Variants in ACTR3C observed in about 807,000 individuals in gnomAD.
The protein encoded by ACTR3C is actin-related protein 3C.
ACTR3C carries 18 observed loss-of-function variants against 26.3 expected under a neutral mutation model. The ratio of observed to expected loss-of-function variants is 0.68; its 90% CI spans 0.47 to 1.01. The LOEUF is 1.01. ACTR3C is among the 50% of genes least tolerant of loss of function. ACTR3C has a pLI of 0.00. For missense variants in ACTR3C, 184 were observed against 250.7 expected (o/e 0.73, Z 1.80); for synonymous variants, 55 against 94.5 (o/e 0.58, Z 2.42).
chr7:150,006,337 C>T, the ACTR3C span, among the ~76,000 whole-genome samples: 1 of 151,462 alleles, frequency 6.6e-6, no homozygotes, highest in African/African-American at 2.4e-5. Context: ...GCTGGGACTA[C>T]AGGCACCCGC....
chr7:150,234,429 G>A, the ACTR3C span, among the ~76,000 whole-genome samples: 1 of 152,124 alleles, frequency 6.6e-6, no homozygotes, highest in Non-Finnish European at 1.5e-5. Flanking sequence ...TCTCTTCCAT[G>A]CGCCCCACAT....
At chr7:150,123,768 C>T in the ACTR3C span, among the ~76,000 whole-genome samples, 3 of 152,124 alleles carry the variant, frequency 2.0e-5, no homozygotes, top group Admixed American at 6.5e-5. Flanking sequence ...GAAAAAGAGC[C>T]AGAAGCTCCT....
chr7:150,316,946 G>T (rs181711923), intron 1 of ACTR3C, among the ~76,000 whole-genome samples: 126 of 152,200 alleles, frequency 8.3e-4, no homozygotes, highest in African/African-American at 2.7e-3. Context: ...GTTGTCTTTA[G>T]TGATGCTTAA....
chr7:150,080,504 GCTGTATGAGTGTTTGTGT>G, the ACTR3C span, among the ~76,000 whole-genome samples: 1 of 149,302 alleles, frequency 6.7e-6, no homozygotes, highest in Non-Finnish European at 1.5e-5. Context: ...CAGCAAAGCT[GCTGTATGAGTGTTTGTGT>G]GTGTATGTGT....
chr7:149,992,612 G>A, the ACTR3C span, among the ~76,000 whole-genome samples: 1 of 152,322 alleles, frequency 6.6e-6, no homozygotes, highest in East Asian at 1.9e-4. Flanking sequence ...TCCACGTGGA[G>A]GAGACTGCGA....
the ACTR3C span, among the ~76,000 whole-genome samples, chr7:149,994,844 CTTT>C: frequency 5.3e-5 from 6 of 112,416 alleles, no homozygotes; most frequent in South Asian, 6.4e-4. Flanking sequence ...TGTTAACATT[CTTT>C]TTTTTTTTTT....
chr7:149,896,047 A>C, the ACTR3C span, among the ~76,000 whole-genome samples: 5 of 149,616 alleles, frequency 3.3e-5, no homozygotes, highest in African/African-American at 7.4e-5. Flanking sequence ...AAAAAAAAAA[A>C]AAAAAAAAAC....
At chr7:150,097,931 G>A in the ACTR3C span, among the ~76,000 whole-genome samples, 580 of 151,610 alleles carry the variant, frequency 3.8e-3, 26 homozygotes, top group African/African-American at 0.013. Context: ...ATGGCAAATT[G>A]AGACACATAT....
chr7:150,219,085 A>G, the ACTR3C span, among the ~76,000 whole-genome samples: 4 of 151,328 alleles, frequency 2.6e-5, no homozygotes, highest in African/African-American at 9.8e-5. Context: ...TTAAATCCTC[A>G]TCTTACATAA....
At chr7:149,889,140 A>C in the ACTR3C span, among the ~76,000 whole-genome samples, 5 of 152,330 alleles carry the variant, frequency 3.3e-5, no homozygotes, top group South Asian at 1.0e-3. Flanking sequence ...GAATATATAA[A>C]GAACTCATAC....
At chr7:150,267,253 G>A (rs185205253) in intron 6 of ACTR3C, among the ~76,000 whole-genome samples, 7 of 152,214 alleles carry the variant, frequency 4.6e-5, no homozygotes, top group Admixed American at 4.6e-4. Context: ...CATTATCTGC[G>A]GCTCACGCTC....
the ACTR3C span, among the ~76,000 whole-genome samples, chr7:149,959,516 T>C: frequency 2.6e-5 from 4 of 152,134 alleles, no homozygotes; most frequent in African/African-American, 9.7e-5. Flanking sequence ...GGTCTAACTG[T>C]ATTGTAAAGA....
At chr7:149,946,161 G>T in the ACTR3C span, among the ~76,000 whole-genome samples, 1 of 152,218 alleles carries the variant, frequency 6.6e-6, no homozygotes, top group Admixed American at 6.5e-5. Flanking sequence ...GGAGGACCTG[G>T]CCTGGGCCAG....
At chr7:150,014,712 C>T in the ACTR3C span, among the ~76,000 whole-genome samples, 1 of 152,158 alleles carries the variant, frequency 6.6e-6, no homozygotes, top group East Asian at 1.9e-4. Context: ...AAAGGAATGG[C>T]AACTAATGCT....
At chr7:149,957,556 G>C in the ACTR3C span, among the ~76,000 whole-genome samples, 1 of 152,196 alleles carries the variant, frequency 6.6e-6, no homozygotes, top group Non-Finnish European at 1.5e-5. Flanking sequence ...CTGGCTTTTG[G>C]ACTCTGAGAC....
the ACTR3C span, among the ~76,000 whole-genome samples, chr7:150,197,511 T>A: frequency 6.6e-6 from 1 of 152,218 alleles, no homozygotes; most frequent in East Asian, 1.9e-4. Flanking sequence ...AGCTCACACT[T>A]CTGGCTTTTT....
chr7:149,929,853 A>C, the ACTR3C span, among the ~76,000 whole-genome samples: 1 of 152,184 alleles, frequency 6.6e-6, no homozygotes, highest in Non-Finnish European at 1.5e-5. Flanking sequence ...AATTACAAAG[A>C]AAAATAGTAA....
chr7:150,138,344 T>G, the ACTR3C span, among the ~76,000 whole-genome samples: 1 of 152,128 alleles, frequency 6.6e-6, no homozygotes, highest in Non-Finnish European at 1.5e-5. Flanking sequence ...AAGGAGGAAG[T>G]GAGCTTCAGA....
At chr7:150,148,163 A>AC in the ACTR3C span, among the ~76,000 whole-genome samples, 1 of 148,370 alleles carries the variant, frequency 6.7e-6, no homozygotes, top group African/African-American at 2.5e-5. Flanking sequence ...TAAAAAAAAA[A>AC]AGAAAAGAAA....
Sources: gnomAD v4.1 joint callset for allele counts (sites outside exome capture counted in the v4.1 genomes callset) on GRCh38, gnomAD v4.1.1 for gene constraint, MANE v1.5 for transcripts, NCBI Gene and HGNC (gene_info 2026-07-23, HGNC 2026-07-21) for gene names.